TTC39A: variants seen among roughly 807,000 people sequenced by gnomAD.
TTC39A encodes the protein tetratricopeptide repeat domain 39A.
A neutral mutation model predicts 82.3 loss-of-function variants in TTC39A; 46 were observed. The observed-to-expected ratio is 0.56, with a 90% CI of 0.44 to 0.71. The LOEUF is 0.71. Ranked by LOEUF, TTC39A falls within the 30% of genes least tolerant of loss-of-function variation. The pLI is 0.00. For missense variants in TTC39A, 543 were observed against 712.9 expected, an observed-to-expected ratio of 0.76 and a Z score of 2.71; for synonymous variants, 254 against 275.2, an observed-to-expected ratio of 0.92 and a Z score of 0.76.
At position 51,288,126 on chromosome 1, in the gene TTC39A, C is replaced by CT; in HGVS notation, c.*30dup. 1 of 1,613,432 alleles carries CT rather than the reference C, an allele frequency of 6.2e-7. No individual in the cohort carries two copies. The highest frequency in any genetic ancestry group is 8.5e-7 in the Non-Finnish European group (1 of 1,179,548). On this transcript the variant is annotated 3_prime_UTR_variant, in exon 18 of 18. Transcript: ENST00000680483. The surrounding 1 kb of genome is among the most constrained non-coding windows in gnomAD (Gnocchi z 4.8). ...TTTCAGGAGCTCTGTCCAGCTGTCTCTGTCTTCCAGCCCGGAACTGCTGCA... is the reference window on the plus strand; with the variant it reads ...TTTCAGGAGCTCTGTCCAGCTGTCTCTTGTCTTCCAGCCCGGAACTGCTGCA...
intron 6 of TTC39A, 95 bp from the exon 7 acceptor site, chr1:51,306,171 G>A (rs984811581): frequency 1.3e-5 from 12 of 954,502 alleles, no homozygotes; most frequent in Non-Finnish European, 1.5e-5. Context: ...AAACTCCCTG[G>A]TGGTGGATTC....
At chr1:51,338,451 A>G (rs1279611500) in intron 1 of TTC39A, among the ~76,000 whole-genome samples, 2 of 151,958 alleles carry the variant, frequency 1.3e-5, no homozygotes, top group African/African-American at 4.8e-5. Flanking sequence ...AGAGAAAGGG[A>G]AAGAGAACAT....
Position 51,321,859 on chromosome 1 carries a change from C to G in TTC39A, c.42-34G>C, listed in dbSNP as rs76062749. On this transcript the variant is annotated intron_variant, in intron 1 of 17. Transcript: ENST00000680483. The surrounding 1 kb of genome is among the most constrained non-coding windows in gnomAD (Gnocchi z 4.6). ...AGAGATGCGGGGCATGACACAGGGG[C>G]CCTCCAACCCTCCAGCCTCTCCTGG... is the stretch of plus-strand genomic sequence containing the variant. 1 of 1,566,680 alleles carries G rather than the reference C, an allele frequency of 6.4e-7. No individual in the cohort carries two copies. Among genetic ancestry groups the G allele is most frequent in the Admixed American group, 1.8e-5 (1 of 56,058 alleles).
chr1:51,336,300 A>T (rs552453176), upstream of TTC39A, among the ~76,000 whole-genome samples: 1 of 152,128 alleles, frequency 6.6e-6, no homozygotes, highest in Non-Finnish European at 1.5e-5. Flanking sequence ...TTGGGCAGGC[A>T]TGGACTCTGC....
rs1489335368 is a variant in TTC39A at position 51,330,407 on chromosome 1, C to A, written c.41+30G>T. The A allele has an allele frequency of 6.1e-6, 6 of 979,982 alleles. No homozygotes were observed. Among genetic ancestry groups the A allele is most frequent in the Non-Finnish European group, 1.2e-6 (1 of 827,650 alleles). The allele number at this position is 979,982 out of a possible 1,614,324, so 60.7% of individuals were successfully genotyped here. On this transcript the variant is annotated intron_variant, in intron 1 of 17. Coordinates refer to ENST00000680483, the MANE Select transcript of TTC39A (RefSeq NM_001297663.2). The surrounding 1 kb of genome is among the most constrained non-coding windows in gnomAD (Gnocchi z 4.5). Reference sequence around the variant, plus strand: ...CCCGGGCCCCAGCCCGCGCCGCCCGCGCCCCCGGGCCTCCCAGCCGCGCAC... The same window carrying A: ...CCCGGGCCCCAGCCCGCGCCGCCCGAGCCCCCGGGCCTCCCAGCCGCGCAC...
At chr1:51,302,250 C>G (rs757371898) in intron 11 of TTC39A, 107 bp downstream of exon 11, 36 of 580,816 alleles carry the variant, frequency 6.2e-5, no homozygotes, top group Middle Eastern at 2.7e-4. Context: ...GCCCCCCCCC[C>G]GCCCCCAGTC....
chr1:51,294,208 C>A lies in TTC39A; in HGVS notation c.1266+183G>T, dbSNP rs1644326256. On this transcript the variant is annotated intron_variant, in intron 14 of 17. Coordinates refer to ENST00000680483, the MANE Select transcript of TTC39A (RefSeq NM_001297663.2). The surrounding 1 kb of genome is among the most constrained non-coding windows in gnomAD (Gnocchi z 4.3). ...GCCTGCCTGTCTCTCCACTCTCAGC[C>A]CCAATGGACCCTCTCTAAGGGGCAG... 6.6e-6 allele frequency among the ~76,000 whole-genome samples: 1 copy of A among 152,188 alleles called. No individual in the cohort carries two copies. The highest frequency in any genetic ancestry group is 2.4e-5 in the African/African-American group (1 of 41,444).
rs1028344834 is a variant in TTC39A at position 51,289,086 on chromosome 1, A to T, written c.1494-131T>A. 5 of 751,378 alleles carry T rather than the reference A, an allele frequency of 6.7e-6. No individual in the cohort carries two copies. The African/African-American group carries it at 7.1e-5, about 11-fold the overall frequency. The allele number at this position is 751,378 out of a possible 1,614,324, so 46.5% of individuals were successfully genotyped here. A position where few individuals can be genotyped will look rare whatever the true frequency, so the allele number is the denominator to read the frequency against. On this transcript the variant is annotated intron_variant, in intron 16 of 17. Coordinates refer to ENST00000680483, the MANE Select transcript of TTC39A (RefSeq NM_001297663.2). ...CAGCCCTAGAAAGGCTGGGATCCAT[A>T]GCAAAGCCTTCCCATCCTGTACCTT...
chr1:51,330,081 A>G lies in TTC39A; in HGVS notation c.41+356T>C. The G allele has an allele frequency of 1.1e-6, 1 of 945,624 alleles. No homozygotes were observed. The highest frequency in any genetic ancestry group is 1.3e-6 in the Non-Finnish European group (1 of 793,590). 58.6% of individuals were successfully genotyped at this position (945,624 alleles called of 1,614,324 possible). ...ACAAGTCACTTAAGTGCTGTGTCTCAGTTTCCTCATCTGTAATGGGGATGA... is the reference window on the plus strand; with the variant it reads ...ACAAGTCACTTAAGTGCTGTGTCTCGGTTTCCTCATCTGTAATGGGGATGA... On this transcript the variant is annotated intron_variant, in intron 1 of 17. Transcript: ENST00000680483. The surrounding 1 kb of genome is among the most constrained non-coding windows in gnomAD (Gnocchi z 4.5).
intron 6 of TTC39A, among the ~76,000 whole-genome samples, chr1:51,309,060 G>A (rs1386870827): frequency 6.6e-6 from 1 of 152,228 alleles, no homozygotes; most frequent in Non-Finnish European, 1.5e-5. Context: ...CCAAAGGGAA[G>A]AGACACAGCC....
At position 51,290,004 on chromosome 1, in the gene TTC39A, C is replaced by G. The variant is rs1408248919; in HGVS notation, c.1493+1G>C. On this transcript the variant is annotated splice_donor_variant, in intron 16 of 17. Transcript: ENST00000680483. LOFTEE classifies it high-confidence loss of function. ...GAAGGAGCAGCTGCAGAGGCACTTA[C>G]TTGGCAGAGATGCTCCTAAAATTCT... 1 of 1,612,252 alleles carries G rather than the reference C, an allele frequency of 6.2e-7. No homozygotes were observed. Among genetic ancestry groups the G allele is most frequent in the Non-Finnish European group, 8.5e-7 (1 of 1,179,018 alleles).
intron 1 of TTC39A, among the ~76,000 whole-genome samples, chr1:51,340,962 A>G (rs1345457354): frequency 2.0e-5 from 3 of 152,194 alleles, no homozygotes; most frequent in Non-Finnish European, 4.4e-5. Context: ...ACTTGAGGTC[A>G]GGAGTTTGAG....
chr1:51,318,532 G>A (rs181739185), intron 2 of TTC39A, among the ~76,000 whole-genome samples: 12 of 152,316 alleles, frequency 7.9e-5, no homozygotes, highest in East Asian at 7.7e-4. Flanking sequence ...GACCCTAGAC[G>A]GGAGAAAGAT....
intron 2 of TTC39A, among the ~76,000 whole-genome samples, chr1:51,319,745 C>T (rs990259598): frequency 6.7e-5 from 10 of 149,018 alleles, no homozygotes; most frequent in Non-Finnish European, 1.5e-4. Context: ...GGCTAGAGTG[C>T]AATGGAGCAA....
chr1:51,290,017 C>T lies in TTC39A; in HGVS notation c.1481G>A (p.Ser494Asn). The change falls in exon 16 of 18, where the codon AGC (serine) becomes AAC (asparagine). Residue 494 changes from serine to asparagine, a missense_variant. Transcript: ENST00000680483. ...RVQEAEENFR[S>N]ISANEKKIKY... is the part of the protein sequence containing the mutation. The stretch of plus-strand genomic sequence containing the variant: ...CAGAGGCACTTACTTGGCAGAGATG[C>T]TCCTAAAATTCTCCTCGGCCTCCTG... The T allele has an allele frequency of 1.2e-6, 2 of 1,613,260 alleles. No homozygotes were observed. Among genetic ancestry groups the T allele is most frequent in the South Asian group, 2.2e-5 (2 of 90,984 alleles).
rs1159800504 is a variant in TTC39A at position 51,288,585 on chromosome 1, G to A, written c.1610+254C>T. ...GCATGGGTCCTCACACAGCCATGCA[G>A]TTGGCTTCTGATGTGACCTTGGGAA... On this transcript the variant is annotated intron_variant, in intron 17 of 17. Transcript: ENST00000680483. This position sits in a 1 kb window ranked among gnomAD's most constrained non-coding sequence, Gnocchi z 4.8. 6.6e-6 allele frequency among the ~76,000 whole-genome samples: 1 copy of A among 152,216 alleles called. No individual in the cohort carries two copies. Among genetic ancestry groups the A allele is most frequent in the Non-Finnish European group, 1.5e-5 (1 of 68,030 alleles).
intron 2 of TTC39A, among the ~76,000 whole-genome samples, chr1:51,315,668 C>G (rs1645256410): frequency 6.6e-6 from 1 of 152,216 alleles, no homozygotes; most frequent in Admixed American, 6.5e-5. Context: ...ATCACCCTGC[C>G]TTCTTCCTTC....
chr1:51,309,395 G>A (rs1409209708), intron 5 of TTC39A, 70 bp from the exon 6 acceptor site: 8 of 1,610,196 alleles, frequency 5.0e-6, no homozygotes, highest in Non-Finnish European at 6.8e-6. Context: ...GATCATGCAA[G>A]GCTCTGGGCC....
At position 51,294,318 on chromosome 1, in the gene TTC39A, C is replaced by G. The variant is rs371093230; in HGVS notation, c.1266+73G>C. On this transcript the variant is annotated intron_variant, in intron 14 of 17. Transcript: ENST00000680483. This position sits in a 1 kb window ranked among gnomAD's most constrained non-coding sequence, Gnocchi z 4.3. ...GGTCTTTCTCCTCATCCACCTCCCC[C>G]TGGCTGTGGCTCTCAGTGAATCCCC... 3 of 1,603,082 alleles carry G rather than the reference C, an allele frequency of 1.9e-6. No homozygotes were observed. Among genetic ancestry groups the G allele is most frequent in the Non-Finnish European group, 2.6e-6 (3 of 1,172,672 alleles).
Sources: gnomAD v4.1 joint callset for allele counts (sites outside exome capture counted in the v4.1 genomes callset) on GRCh38, gnomAD v4.1.1 for gene constraint, Gnocchi (gnomAD v3.1) non-coding constraint, MANE v1.5 for transcripts, NCBI Gene and HGNC (gene_info 2026-07-23, HGNC 2026-07-21) for gene names.